AVEN: variants seen among roughly 807,000 people sequenced by gnomAD.
AVEN encodes the protein apoptosis and caspase activation inhibitor.
AVEN carries 41 observed loss-of-function variants against 38.1 expected under a neutral mutation model. The ratio of observed to expected loss-of-function variants is 1.08; its 90% CI spans 0.84 to 1.40. The LOEUF is 1.40. Among genes scored for constraint, AVEN ranks in the 40% most tolerant of loss-of-function variants. The pLI, the probability that AVEN is intolerant of heterozygous loss-of-function variation, is 0.00. For missense variants in AVEN, 605 were observed against 438.8 expected, an observed-to-expected ratio of 1.38 and a Z score of -3.38; for synonymous variants, 206 against 171.8, an observed-to-expected ratio of 1.20 and a Z score of -1.56.
intron 2 of AVEN, among the ~76,000 whole-genome samples, chr15:33,933,510 CACACACACACACACAGAGAGAG>C (rs1893930973): frequency 8.4e-6 from 1 of 119,256 alleles, no homozygotes; most frequent in South Asian, 2.9e-4. Flanking sequence ...CACACACACA[CACACACACACACACAGAGAGAG>C]AGAGAGAGAG....
intron 1 of AVEN, among the ~76,000 whole-genome samples, chr15:34,007,399 G>C (rs190796561): frequency 1.3e-5 from 2 of 152,274 alleles, no homozygotes; most frequent in Admixed American, 1.3e-4. Flanking sequence ...ATTCATATTA[G>C]AACTGTACAG....
At chr15:33,898,108 G>T (rs1048997738) in intron 2 of AVEN, among the ~76,000 whole-genome samples, 5 of 152,104 alleles carry the variant, frequency 3.3e-5, no homozygotes, top group Admixed American at 2.0e-4. Context: ...AGAATGGCGT[G>T]AACCAGGGAG....
chr15:33,953,216 G>A (rs558597559), intron 2 of AVEN, among the ~76,000 whole-genome samples: 78 of 151,542 alleles, frequency 5.1e-4, no homozygotes, highest in Middle Eastern at 3.4e-3. Context: ...ACTGCCCAAG[G>A]TAATCTATAG....
intron 2 of AVEN, among the ~76,000 whole-genome samples, chr15:33,958,911 A>C (rs10519897): frequency 0.023 from 3,566 of 152,144 alleles, 212 homozygotes; most frequent in Admixed American, 0.14. Context: ...CTAGAGCATA[A>C]AATCTTCACT....
At chr15:33,961,597 A>T (rs1214590508) in intron 2 of AVEN, among the ~76,000 whole-genome samples, 3 of 151,784 alleles carry the variant, frequency 2.0e-5, no homozygotes, top group Non-Finnish European at 4.4e-5. Flanking sequence ...GCGAATCACG[A>T]GGTCAGGAGA....
chr15:34,020,587 A>G lies in AVEN; in HGVS notation c.268-17378T>C, dbSNP rs546176899. Among the ~76,000 whole-genome samples the G allele has an allele frequency of 2.0e-5, 3 of 152,324 alleles. No homozygotes were observed. The East Asian group carries it at 5.8e-4, about 29-fold the overall frequency. On this transcript the variant is annotated intron_variant, in intron 1 of 5. Transcript: ENST00000306730. Reference sequence around the variant, plus strand: ...CCTCACAATTCTGAAATGGATTTCAATTCTCACTGCACTTTCATTAGTACT... The same window carrying G: ...CCTCACAATTCTGAAATGGATTTCAGTTCTCACTGCACTTTCATTAGTACT...
intron 2 of AVEN, among the ~76,000 whole-genome samples, chr15:33,951,316 A>G (rs917072514): frequency 6.6e-6 from 1 of 152,116 alleles, no homozygotes; most frequent in African/African-American, 2.4e-5. Flanking sequence ...TAATAGTTTG[A>G]CCATGTCAAT....
Position 33,969,792 on chromosome 15 carries a change from C to A in AVEN, c.445+33240G>T, listed in dbSNP as rs117079466. Among the ~76,000 whole-genome samples, 1,239 of 152,148 alleles carry A rather than the reference C, an allele frequency of 8.1e-3. 8 individuals carry two copies. The highest frequency in any genetic ancestry group is 0.014 in the Non-Finnish European group (948 of 67,908). On this transcript the variant is annotated intron_variant, in intron 2 of 5. Coordinates refer to ENST00000306730, the MANE Select transcript of AVEN (RefSeq NM_020371.3). ...AAGAGGATAAAAAGATGAAAGATGTCTGGTACCTTAAAACCTCAAAAGCTT... is the reference window on the plus strand; with the variant it reads ...AAGAGGATAAAAAGATGAAAGATGTATGGTACCTTAAAACCTCAAAAGCTT...
chr15:33,926,922 T>C (rs1396908119), intron 2 of AVEN, among the ~76,000 whole-genome samples: 1 of 152,092 alleles, frequency 6.6e-6, no homozygotes, highest in Non-Finnish European at 1.5e-5. Flanking sequence ...CCCAAATTGC[T>C]AGGATTACAG....
downstream of AVEN, chr15:33,855,935 C>T (rs916565813): frequency 4.6e-5 from 7 of 152,164 alleles, no homozygotes; most frequent in African/African-American, 1.7e-4. Context: ...CTGTGTATGA[C>T]AGACAGGCTT....
intron 3 of AVEN, among the ~76,000 whole-genome samples, chr15:33,873,159 G>A (rs1891068204): frequency 7.2e-6 from 1 of 139,812 alleles, no homozygotes; most frequent in Non-Finnish European, 1.5e-5. Flanking sequence ...GAGTGCAATG[G>A]CACGATCTCG....
In AVEN at chr15:33,975,781, T is replaced by C. The variant is rs184802602; in HGVS notation, c.445+27251A>G. On this transcript the variant is annotated intron_variant, in intron 2 of 5. Coordinates refer to ENST00000306730, the MANE Select transcript of AVEN (RefSeq NM_020371.3). The stretch of plus-strand genomic sequence containing the variant: ...CCCATCTCTACTGAGAATACAAAAA[T>C]TAGCCGGGCGTGGTGGCACATGCCT... 3.8e-3 allele frequency among the ~76,000 whole-genome samples: 576 copies of C among 152,148 alleles called. 15 individuals carry two copies. The highest frequency in any genetic ancestry group is 0.036 in the Admixed American group (543 of 15,268).
intron 1 of AVEN, among the ~76,000 whole-genome samples, chr15:34,024,689 A>T (rs1230638458): frequency 3.7e-5 from 4 of 107,264 alleles, no homozygotes; most frequent in African/African-American, 1.6e-4. Flanking sequence ...CGTCTCTACT[A>T]AAAAAAAAAA....
intron 1 of AVEN, among the ~76,000 whole-genome samples, chr15:34,022,910 G>T (rs908659366): frequency 6.6e-6 from 1 of 152,200 alleles, no homozygotes; most frequent in Non-Finnish European, 1.5e-5. Context: ...CAATGAGGCC[G>T]GGCGCGGTGG....
At chr15:33,854,925 C>T (rs1176734468), downstream of AVEN, 1 of 1,605,082 alleles carries the variant, frequency 6.2e-7, no homozygotes, top group South Asian at 1.1e-5. Context: ...ATGGTTTCTA[C>T]TGATGCAGAA....
intron 2 of AVEN, among the ~76,000 whole-genome samples, chr15:33,909,493 G>A (rs1416167513): frequency 6.6e-6 from 1 of 152,108 alleles, no homozygotes; most frequent in African/African-American, 2.4e-5. Flanking sequence ...TTTATTCCAG[G>A]TAACAATAAT....
At chr15:33,909,605 G>C (rs368872025) in intron 2 of AVEN, among the ~76,000 whole-genome samples, 7 of 152,230 alleles carry the variant, frequency 4.6e-5, no homozygotes, top group African/African-American at 1.4e-4. Flanking sequence ...TTCAGCTTTC[G>C]AAGTAAAAGA....
chr15:33,902,426 A>C (rs1481008310), intron 2 of AVEN, among the ~76,000 whole-genome samples: 1 of 152,252 alleles, frequency 6.6e-6, no homozygotes, highest in African/African-American at 2.4e-5. Context: ...GCATACAAGA[A>C]AAGTTCCTCA....
At chr15:33,980,822 G>A (rs936023253) in intron 2 of AVEN, among the ~76,000 whole-genome samples, 4 of 152,228 alleles carry the variant, frequency 2.6e-5, no homozygotes, top group Admixed American at 2.0e-4. Context: ...ATCAACAAGA[G>A]TATGAAAATT....
Sources: allele counts gnomAD v4.1 joint callset (sites outside exome capture counted in the v4.1 genomes callset), GRCh38; gene constraint gnomAD v4.1.1; transcripts MANE v1.5; gene names NCBI Gene and HGNC (gene_info 2026-07-23, HGNC 2026-07-21).